Variants in CCDC7 observed in about 807,000 individuals in gnomAD.
CCDC7 encodes coiled-coil domain containing 7.
Under a neutral mutation model 196.9 loss-of-function variants are expected in CCDC7, and 183 were observed. The observed-to-expected ratio is 0.93, with a 90% confidence interval of 0.82 to 1.05. The LOEUF (loss-of-function observed/expected upper bound fraction) is 1.05, where lower values mean the gene tolerates loss of function less well. CCDC7 is among the 50% of genes least tolerant of loss of function. CCDC7 has a pLI of 0.00. For missense variants in CCDC7, 1,540 were observed against 1,482.2 expected (o/e 1.04, Z -0.64); for synonymous variants, 525 against 484.6 (o/e 1.08, Z -1.10).
chr10:32,593,477 A>G (rs1316358874), intron 18 of CCDC7, among the ~76,000 whole-genome samples: 1 of 152,006 alleles, frequency 6.6e-6, no homozygotes, highest in Non-Finnish European at 1.5e-5. Flanking sequence ...GATTATAAAA[A>G]TTTTCTCCCA....
rs113807722 is a variant in CCDC7, at chr10:32,673,052, A to G, written c.2122+8891A>G. ...TTTCCCCAATGCTATTGAGGAGACT[A>G]TGCTTTCCCTTTTGTGTATTCTTAC... On this transcript the variant is annotated intron_variant, in intron 21 of 41. Transcript: ENST00000639629. 3.5e-3 allele frequency among the ~76,000 whole-genome samples: 539 copies of G among 152,148 alleles called. 2 individuals are homozygous for G. The highest frequency in any genetic ancestry group is 0.012 in the African/African-American group (511 of 41,580).
intron 41 of CCDC7, among the ~76,000 whole-genome samples, chr10:32,869,272 G>T (rs2094333081): frequency 1.3e-5 from 2 of 152,190 alleles, no homozygotes; most frequent in African/African-American, 4.8e-5. Context: ...TAACTGGTGT[G>T]AGATGGTATC....
chr10:32,816,366 A>G (rs1300802673), intron 31 of CCDC7, among the ~76,000 whole-genome samples: 1 of 152,228 alleles, frequency 6.6e-6, no homozygotes, highest in Non-Finnish European at 1.5e-5. Flanking sequence ...AGCCCACCGC[A>G]GCTCAAGGAG....
intron 8 of CCDC7, among the ~76,000 whole-genome samples, chr10:32,477,966 G>A (rs1012068891): frequency 3.9e-5 from 6 of 152,090 alleles, no homozygotes; most frequent in Non-Finnish European, 7.4e-5. Flanking sequence ...TTCATTCTAT[G>A]AACTTGAAAT....
At chr10:32,704,232 G>A (rs531942184) in intron 24 of CCDC7, among the ~76,000 whole-genome samples, 1 of 152,266 alleles carries the variant, frequency 6.6e-6, no homozygotes, top group South Asian at 2.1e-4. Context: ...TCCACAGTCA[G>A]GACCCTCAGC....
chr10:32,761,874 G>A (rs560088433), intron 28 of CCDC7, among the ~76,000 whole-genome samples: 1 of 151,988 alleles, frequency 6.6e-6, no homozygotes, highest in Non-Finnish European at 1.5e-5. Flanking sequence ...AGCAGAATTT[G>A]TAGAGACTGA....
At chr10:32,736,783 A>G (rs1291052980) in intron 28 of CCDC7, among the ~76,000 whole-genome samples, 1 of 152,192 alleles carries the variant, frequency 6.6e-6, no homozygotes, top group Non-Finnish European at 1.5e-5. Context: ...CAACCTTGCT[A>G]TAATGACCTA....
chr10:32,876,467 G>T, downstream of CCDC7: 1 of 1,394,658 alleles, frequency 7.2e-7, no homozygotes, highest in East Asian at 2.3e-5. Context: ...TGCAAGTATA[G>T]AAGCCTTTTG....
At chr10:32,725,469 T>C (rs2082986601) in intron 25 of CCDC7, 1 of 462,912 alleles carries the variant, frequency 2.2e-6, no homozygotes, top group African/African-American at 2.0e-5. Flanking sequence ...CTTTCAGTTT[T>C]AGTTCCCACT....
chr10:32,563,631 C>T (rs1298961356), intron 13 of CCDC7, among the ~76,000 whole-genome samples: 1 of 152,144 alleles, frequency 6.6e-6, no homozygotes, highest in East Asian at 1.9e-4. Flanking sequence ...CTTCCTTACA[C>T]CTTATACAAA....
intron 28 of CCDC7, among the ~76,000 whole-genome samples, chr10:32,743,565 G>A (rs1480013914): frequency 1.3e-5 from 2 of 152,086 alleles, no homozygotes; most frequent in Non-Finnish European, 2.9e-5. Flanking sequence ...TTAGTCCATT[G>A]TGGAAGACAG....
exon 1 of CCDC7, chr10:32,451,661 C>T: frequency 6.2e-7 from 1 of 1,604,708 alleles, no homozygotes; most frequent in Non-Finnish European, 8.5e-7. Flanking sequence ...AGTAAAGCAT[C>T]TGTTGACCAC....
At chr10:32,632,552 C>A (rs907242255) in intron 18 of CCDC7, among the ~76,000 whole-genome samples, 3 of 151,754 alleles carry the variant, frequency 2.0e-5, no homozygotes, top group African/African-American at 7.3e-5. Flanking sequence ...ACTGAGGTCT[C>A]TTTTCTTTTT....
At chr10:32,571,994 C>A in intron 16 of CCDC7, 101 bp downstream of exon 17, 2 of 1,081,006 alleles carry the variant, frequency 1.9e-6, no homozygotes, top group Non-Finnish European at 1.2e-6. Context: ...TGTCACAAAA[C>A]TCTTTGAAAC....
chr10:32,748,047 T>A (rs960973432), intron 28 of CCDC7, among the ~76,000 whole-genome samples: 1 of 152,174 alleles, frequency 6.6e-6, no homozygotes. Context: ...AAGAATGAAC[T>A]CATGTCCTTT....
chr10:32,724,158 C>T (rs188368091), intron 25 of CCDC7, among the ~76,000 whole-genome samples: 1 of 152,216 alleles, frequency 6.6e-6, no homozygotes, highest in Non-Finnish European at 1.5e-5. Context: ...CCAGGGCCCA[C>T]AAAATATTTC....
chr10:32,562,361 T>C (rs907692686), intron 13 of CCDC7, among the ~76,000 whole-genome samples: 2 of 152,194 alleles, frequency 1.3e-5, no homozygotes, highest in African/African-American at 4.8e-5. Flanking sequence ...AAGAGAATTT[T>C]AGACCAATGT....
intron 30 of CCDC7, among the ~76,000 whole-genome samples, chr10:32,808,858 C>A (rs2135268106): frequency 6.6e-6 from 1 of 152,190 alleles, no homozygotes; most frequent in African/African-American, 2.4e-5. Flanking sequence ...TATACCACTG[C>A]ATACACCCAG....
At chr10:32,458,892 ATT>A (rs2034969607) in intron 3 of CCDC7, among the ~76,000 whole-genome samples, 1 of 152,228 alleles carries the variant, frequency 6.6e-6, no homozygotes, top group South Asian at 2.1e-4. Context: ...TAAGCCCAGT[ATT>A]AATATTAATT....
Sources: gnomAD v4.1 joint callset for allele counts (sites outside exome capture counted in the v4.1 genomes callset) on GRCh38, gnomAD v4.1.1 for gene constraint, MANE v1.5 for transcripts, NCBI Gene and HGNC (gene_info 2026-07-23, HGNC 2026-07-21) for gene names.